Variants in MACROH2A1 observed in about 807,000 individuals in gnomAD.
The protein encoded by MACROH2A1 is core histone macro-H2A.1.
Under a neutral mutation model 31.6 loss-of-function variants are expected in MACROH2A1, and 2 were observed. The ratio of observed to expected loss-of-function variants is 0.06; its 90% confidence interval spans 0.03 to 0.20. The LOEUF is 0.20. Among genes scored for constraint, MACROH2A1 ranks in the 10% least tolerant of loss-of-function variants. The probability of loss-of-function intolerance (pLI) is 1.00; values close to 1 mark genes in which losing one functional copy is unlikely to be tolerated. For missense variants in MACROH2A1, 230 were observed against 474.0 expected (o/e 0.49, Z 4.78); for synonymous variants, 169 against 189.6 (o/e 0.89, Z 0.89).
At chr5:135,359,906 A>G (rs1234785998) in intron 5 of MACROH2A1, 4 of 985,234 alleles carry the variant, frequency 4.1e-6, no homozygotes, top group Non-Finnish European at 4.8e-6. Flanking sequence ...CTTTTACAAA[A>G]CCATGGCGTC....
intron 4 of MACROH2A1, among the ~76,000 whole-genome samples, chr5:135,366,616 G>A (rs918846477): frequency 7.9e-5 from 12 of 151,898 alleles, no homozygotes; most frequent in African/African-American, 2.7e-4. Context: ...GGATGGGGAG[G>A]GATTTACATC....
At chr5:135,355,580 G>A (rs1469790618) in intron 5 of MACROH2A1, 2 of 219,566 alleles carry the variant, frequency 9.1e-6, no homozygotes, top group African/African-American at 2.3e-5. Context: ...TGCTTGGGAT[G>A]TGTGCATCAG....
chr5:135,345,783 A>C, intron 7 of MACROH2A1, 185 bp downstream of exon 7: 1 of 555,620 alleles, frequency 1.8e-6, no homozygotes. Context: ...TGCAAAGGTG[A>C]TTTTCCCAGA....
chr5:135,359,297 A>G (rs1762550270), intron 5 of MACROH2A1: 1 of 985,282 alleles, frequency 1.0e-6, no homozygotes, highest in South Asian at 4.7e-5. Context: ...TTAACTTTCA[A>G]TACATTACCC....
At chr5:135,343,589 A>T in intron 7 of MACROH2A1, 155 bp from the exon 8 acceptor site, 8 of 1,197,210 alleles carry the variant, frequency 6.7e-6, no homozygotes, top group Non-Finnish European at 9.2e-6. Context: ...CTGCGTTGTG[A>T]TTCCAACGTG....
chr5:135,355,120 GCCA>G (rs1762015468), intron 5 of MACROH2A1: 1 of 455,942 alleles, frequency 2.2e-6, no homozygotes, highest in Non-Finnish European at 4.4e-6. Flanking sequence ...GCTTCAGCTA[GCCA>G]GGAAGACCCC....
intron 2 of MACROH2A1, among the ~76,000 whole-genome samples, chr5:135,380,394 C>T (rs541820904): frequency 3.7e-4 from 57 of 152,278 alleles, no homozygotes; most frequent in Admixed American, 1.6e-3. Flanking sequence ...TCATTCCAAA[C>T]GAATTACTAA....
chr5:135,392,185 G>T (rs1371391481), intron 1 of MACROH2A1, among the ~76,000 whole-genome samples: 1 of 152,146 alleles, frequency 6.6e-6, no homozygotes, highest in Non-Finnish European at 1.5e-5. Context: ...CCACAGCCTG[G>T]AATTGCTCAC....
intron 8 of MACROH2A1, among the ~76,000 whole-genome samples, chr5:135,342,325 A>G (rs57879603): frequency 0.048 from 7,279 of 152,242 alleles, 562 homozygotes; most frequent in African/African-American, 0.16. Flanking sequence ...TATTATGCCA[A>G]CTTCTCAGAA....
chr5:135,385,682 C>T (rs773958276), intron 2 of MACROH2A1, among the ~76,000 whole-genome samples: 1 of 152,142 alleles, frequency 6.6e-6, no homozygotes, highest in South Asian at 2.1e-4. Flanking sequence ...ATCCCCTTTC[C>T]CAGTTCTTGT....
chr5:135,380,238 G>A (rs1468631964), intron 2 of MACROH2A1, among the ~76,000 whole-genome samples: 1 of 152,118 alleles, frequency 6.6e-6, no homozygotes, highest in South Asian at 2.1e-4. Context: ...AAAGGTGAGG[G>A]AGGGGTGGGG....
chr5:135,342,688 C>G (rs959445807), intron 8 of MACROH2A1, among the ~76,000 whole-genome samples: 2 of 152,142 alleles, frequency 1.3e-5, no homozygotes, highest in Admixed American at 6.5e-5. Context: ...CACGTAATTC[C>G]CCATTCCGTT....
At position 135,347,087 on chromosome 5, in the gene MACROH2A1, T is replaced by C. The variant is rs542722042; in HGVS notation, c.689-1030A>G. ...AAATACTCCCCTTAAGATTCACATC[T>C]GTCTTGGAAAATTCCAGGTGCACCT... On this transcript the variant is annotated intron_variant, in intron 6 of 8. Coordinates refer to ENST00000511689, the MANE Select transcript of MACROH2A1 (RefSeq NM_138610.3). 281 of 152,354 alleles carry C rather than the reference T, an allele frequency of 1.8e-3. 2 individuals are homozygous for C. Among genetic ancestry groups the C allele is most frequent in the African/African-American group, 6.4e-3 (268 of 41,578 alleles). 9.4% of individuals were successfully genotyped at this position (152,354 alleles called of 1,614,324 possible). A position where few individuals can be genotyped will look rare whatever the true frequency, so the allele number is the denominator to read the frequency against.
At chr5:135,354,057 A>G (rs1051995029) in intron 5 of MACROH2A1, 2 of 152,260 alleles carry the variant, frequency 1.3e-5, no homozygotes, top group African/African-American at 4.8e-5. Context: ...TAACACCTGC[A>G]GACAAGTGCA....
At chr5:135,371,594 T>C (rs1764181781) in intron 2 of MACROH2A1, among the ~76,000 whole-genome samples, 1 of 152,220 alleles carries the variant, frequency 6.6e-6, no homozygotes, top group Non-Finnish European at 1.5e-5. Flanking sequence ...TGGCAAAACC[T>C]GGTTTTCTCC....
At chr5:135,361,860 G>C (rs1762888650) in intron 4 of MACROH2A1, 1 of 152,218 alleles carries the variant, frequency 6.6e-6, no homozygotes, top group South Asian at 2.1e-4. Flanking sequence ...TTAGCAATTA[G>C]GTTATATGGC....
At chr5:135,337,934 G>A in intron 8 of MACROH2A1, 1 of 1,166,168 alleles carries the variant, frequency 8.6e-7, no homozygotes, top group Non-Finnish European at 1.1e-6. Context: ...GTCCTAGGAA[G>A]CTACAGCCTA....
At position 135,398,974 on chromosome 5, in the gene MACROH2A1, C is replaced by G. The variant is rs1768470212; in HGVS notation, c.-34+88G>C. 6.7e-6 allele frequency: 1 copy of G among 150,284 alleles called. No homozygotes were observed. Among genetic ancestry groups the G allele is most frequent in the South Asian group, 2.1e-4 (1 of 4,848 alleles). The allele number at this position is 150,284 out of a possible 1,614,324, so 9.3% of individuals were successfully genotyped here. On this transcript the variant is annotated intron_variant, in intron 1 of 8. Coordinates refer to ENST00000511689, the MANE Select transcript of MACROH2A1 (RefSeq NM_138610.3). The surrounding 1 kb of genome is among the most constrained non-coding windows in gnomAD (Gnocchi z 4.6). The stretch of plus-strand genomic sequence containing the variant: ...GCCCGGCCCGCACCACACCGGTGCG[C>G]GCCAGGCCGGGCCGCTCCCGGGCAC...
At chr5:135,393,148 T>G (rs1036293884) in intron 1 of MACROH2A1, among the ~76,000 whole-genome samples, 5 of 152,316 alleles carry the variant, frequency 3.3e-5, no homozygotes, top group Non-Finnish European at 1.5e-5. Context: ...CACATAGTGA[T>G]TCATGGATCC....
Sources: gnomAD v4.1 joint callset for allele counts (sites outside exome capture counted in the v4.1 genomes callset) on GRCh38, gnomAD v4.1.1 for gene constraint, Gnocchi (gnomAD v3.1) non-coding constraint, MANE v1.5 for transcripts, NCBI Gene and HGNC (gene_info 2026-07-23, HGNC 2026-07-21) for gene names.